Variants in ODF2 observed in about 807,000 individuals in gnomAD.
ODF2 encodes the protein outer dense fiber of sperm tails 2, also known as outer dense fiber protein 2.
In ODF2, 47 loss-of-function variants were observed where a neutral mutation model predicts 110.2. That is an observed-to-expected ratio of 0.43 (90% CI 0.34 to 0.54). The LOEUF (loss-of-function observed/expected upper bound fraction) is 0.54. Ranked by LOEUF, ODF2 falls within the 20% of genes least tolerant of loss-of-function variation. The pLI, the probability that ODF2 is intolerant of heterozygous loss-of-function variation, is 0.03. For missense variants in ODF2, 812 were observed against 1,054.5 expected, an observed-to-expected ratio of 0.77 and a Z score of 3.19; for synonymous variants, 352 against 397.7, an observed-to-expected ratio of 0.89 and a Z score of 1.37.
Position 128,473,744 on chromosome 9 carries a change from G to T in ODF2, c.843+3G>T, listed in dbSNP as rs1405411278. On this transcript the variant is annotated splice_donor_region_variant and intron_variant, in intron 8 of 20. Coordinates refer to ENST00000604420, the Ensembl canonical transcript of ODF2. ...TGAGGGAACAGCACTGCAAAGAGGT[G>T]AGCTTGGGGCCTGGCTCTTTCCCTC... 5.6e-6 allele frequency: 9 copies of T among 1,612,386 alleles called. No individual in the cohort carries two copies. Among genetic ancestry groups the T allele is most frequent in the Non-Finnish European group, 6.8e-6 (8 of 1,179,420 alleles).
chr9:128,477,699 G>A (rs1048574059), intron 8 of ODF2, among the ~76,000 whole-genome samples: 1 of 151,404 alleles, frequency 6.6e-6, no homozygotes, highest in African/African-American at 2.4e-5. Context: ...TTCCCCTCAC[G>A]GGTTCAAGAG....
chr9:128,492,616 C>T, intron 15 of ODF2, 80 bp downstream of exon 15: 1 of 1,525,106 alleles, frequency 6.6e-7, no homozygotes, highest in Admixed American at 1.7e-5. Context: ...TACCAGGCCA[C>T]TCCCAGGGAG....
At chr9:128,480,439 T>TATATA (rs1315290875) in intron 8 of ODF2, among the ~76,000 whole-genome samples, 1 of 152,254 alleles carries the variant, frequency 6.6e-6, no homozygotes, top group Non-Finnish European at 1.5e-5. Context: ...AGATTTCAAG[T>TATATA]ATATAATACA....
Position 128,482,906 on chromosome 9 carries a change from T to G in ODF2, c.987+19T>G, listed in dbSNP as rs1157566436. Reference sequence around the variant, plus strand: ...TGAGAAGGTAGTGTGCTTTTTTTTTTTTTTTTTTTAGACGGAGTCTCGCTC... The same window carrying G: ...TGAGAAGGTAGTGTGCTTTTTTTTTGTTTTTTTTTAGACGGAGTCTCGCTC... On this transcript the variant is annotated intron_variant, in intron 10 of 20. Transcript: ENST00000604420. 1 of 1,595,400 alleles carries G rather than the reference T, an allele frequency of 6.3e-7. No individual in the cohort carries two copies. Among genetic ancestry groups the G allele is most frequent in the East Asian group, 2.2e-5 (1 of 44,656 alleles).
intron 11 of ODF2, among the ~76,000 whole-genome samples, chr9:128,484,488 G>C (rs190355473): frequency 3.3e-5 from 5 of 152,316 alleles, no homozygotes; most frequent in Admixed American, 3.3e-4. Context: ...CATGGGCTGA[G>C]AGATCCAGGG....
downstream of ODF2, chr9:128,501,022 G>A (rs1846382463): frequency 6.6e-6 from 1 of 152,166 alleles, no homozygotes; most frequent in Admixed American, 6.5e-5. Context: ...TCTAAAAAAT[G>A]ATTAAGTAAA....
At chr9:128,466,377 G>A (rs1837903869) in intron 4 of ODF2, among the ~76,000 whole-genome samples, 1 of 151,494 alleles carries the variant, frequency 6.6e-6, no homozygotes, top group Non-Finnish European at 1.5e-5. Flanking sequence ...TGAGGTGTAA[G>A]GATGGGTTGA....
chr9:128,483,612 C>T (rs555593177), intron 10 of ODF2, among the ~76,000 whole-genome samples: 4 of 148,678 alleles, frequency 2.7e-5, no homozygotes, highest in Admixed American at 2.7e-4. Context: ...TGACCATGCG[C>T]GGTGGCTCAC....
intron 15 of ODF2, 63 bp from the exon 16 acceptor site, chr9:128,492,638 G>A: frequency 6.4e-7 from 1 of 1,564,618 alleles, no homozygotes; most frequent in Middle Eastern, 1.7e-4. Context: ...GTTGGGTATG[G>A]AAGATGGTTT....
At chr9:128,456,835 G>A in intron 1 of ODF2, 1 of 1,300,238 alleles carries the variant, frequency 7.7e-7, no homozygotes, top group Non-Finnish European at 9.8e-7. Context: ...CCCTCGCGGC[G>A]GGGCGCCCGG....
intron 4 of ODF2, among the ~76,000 whole-genome samples, chr9:128,464,898 TTA>T (rs368195396): frequency 0.96 from 59,893 of 62,184 alleles, 29,273 homozygotes; most frequent in South Asian, 0.98. Context: ...TTTCACCGTT[TTA>T]GCCGGGATGG....
At chr9:128,468,562 G>T (rs1838894588) in intron 4 of ODF2, among the ~76,000 whole-genome samples, 1 of 151,744 alleles carries the variant, frequency 6.6e-6, no homozygotes, top group Non-Finnish European at 1.5e-5. Context: ...TCGTTCTGTT[G>T]CCCAGGCTGG....
chr9:128,483,125 A>AC (rs1412770638), intron 10 of ODF2, among the ~76,000 whole-genome samples: 1 of 151,750 alleles, frequency 6.6e-6, no homozygotes, highest in Non-Finnish European at 1.5e-5. Flanking sequence ...TGATCTCTTG[A>AC]CCTCGTGATC....
chr9:128,470,310 GGA>G (rs1343721830), intron 5 of ODF2, among the ~76,000 whole-genome samples: 1 of 151,318 alleles, frequency 6.6e-6, no homozygotes, highest in African/African-American at 2.4e-5. Context: ...GGAACCTCCT[GGA>G]GAACCTAGGG....
intron 5 of ODF2, among the ~76,000 whole-genome samples, chr9:128,469,715 C>A (rs1249807583): frequency 2.6e-5 from 4 of 151,844 alleles, no homozygotes; most frequent in Non-Finnish European, 5.9e-5. Context: ...CAAAAACAGG[C>A]CGGGCATGGT....
At chr9:128,487,804 A>AAAAC (rs1491299468) in intron 13 of ODF2, 86 bp from the exon 14 acceptor site, 23 of 78,774 alleles carry the variant, frequency 2.9e-4, no homozygotes, top group Non-Finnish European at 4.2e-4. Flanking sequence ...AAACAAACAA[A>AAAAC]ACACACACAC....
intron 10 of ODF2, among the ~76,000 whole-genome samples, chr9:128,483,634 C>G (rs1196912754): frequency 6.7e-6 from 1 of 150,066 alleles, no homozygotes; most frequent in Non-Finnish European, 1.5e-5. Context: ...CCTGTAATCC[C>G]AGCACTTTGG....
At chr9:128,497,446 A>AAAAAAT (rs1554857542) in intron 18 of ODF2, 25 of 42,596 alleles carry the variant, frequency 5.9e-4, no homozygotes, top group Non-Finnish European at 6.8e-4. Flanking sequence ...AAAAAAAAAA[A>AAAAAAT]ATATATATAT....
At position 128,476,536 on chromosome 9, in the gene ODF2, C is replaced by A. The variant is rs1485912892; in HGVS notation, c.843+2795C>A. On this transcript the variant is annotated intron_variant, in intron 8 of 20. Coordinates refer to ENST00000604420, the Ensembl canonical transcript of ODF2. ...CTCCTGACCTCAGGTGATCCACCTG[C>A]CTCGGCCTCCCAAAGTGCTGTAATT... Among the ~76,000 whole-genome samples the A allele has an allele frequency of 2.6e-5, 4 of 152,144 alleles. No homozygotes were observed. The South Asian group carries it at 8.3e-4, about 32-fold the overall frequency.
Sources: gnomAD v4.1 joint callset for allele counts (sites outside exome capture counted in the v4.1 genomes callset) on GRCh38, gnomAD v4.1.1 for gene constraint, MANE v1.5 for transcripts, NCBI Gene and HGNC (gene_info 2026-07-23, HGNC 2026-07-21) for gene names.